The following INO80 variants were observed in gnomAD, a reference collection of about 807,000 sequenced individuals.
INO80 encodes INO80 complex ATPase subunit.
In INO80, 20 loss-of-function variants were observed where a neutral mutation model predicts 203.4. The observed-to-expected ratio is 0.10, with a 90% CI of 0.07 to 0.14. The LOEUF (loss-of-function observed/expected upper bound fraction) is 0.14. INO80 is among the 10% of genes least tolerant of loss of function. INO80 has a pLI of 1.00. For synonymous variants in INO80, 726 were observed against 685.2 expected, an observed-to-expected ratio of 1.06 and a Z score of -0.93; for missense variants, 1,419 against 1,914.4, an observed-to-expected ratio of 0.74 and a Z score of 4.83.
chr15:41,106,661 A>G (rs2045885032), intron 1 of INO80, among the ~76,000 whole-genome samples: 1 of 152,158 alleles, frequency 6.6e-6, no homozygotes, highest in East Asian at 1.9e-4. Flanking sequence ...TCTGGGCACT[A>G]GGTGCACTCC....
At chr15:41,087,431 A>C in intron 6 of INO80, 131 bp downstream of exon 6, 1 of 977,916 alleles carries the variant, frequency 1.0e-6, no homozygotes, top group Non-Finnish European at 1.5e-6. Context: ...ACTAATTAGA[A>C]AGGAGAGTTT....
In INO80 at chr15:40,980,195, G is replaced by C. The variant is rs749091379; in HGVS notation, c.*28C>G. On this transcript the variant is annotated 3_prime_UTR_variant, in exon 36 of 36. Transcript: ENST00000648947. ...AGGTCAGGACTCTAGCCCTGGTTTG[G>C]TTGAAGGAAGTCGGAGGGCCCAGAT... 6 of 1,592,986 alleles carry C rather than the reference G, an allele frequency of 3.8e-6. 1 individual carries two copies. The South Asian group carries it at 6.6e-5, about 18-fold the overall frequency.
chr15:41,083,256 G>A lies in INO80; in HGVS notation c.873+2113C>T, dbSNP rs575871821. 2.9e-3 allele frequency among the ~76,000 whole-genome samples: 393 copies of A among 137,640 alleles called. 2 individuals are homozygous for A. The highest frequency in any genetic ancestry group is 0.014 in the South Asian group (63 of 4,398). The allele number at this position is 137,640 out of a possible 152,430, so 90.3% of individuals were successfully genotyped here. A position where few individuals can be genotyped will look rare whatever the true frequency, so the allele number is the denominator to read the frequency against. On this transcript the variant is annotated intron_variant, in intron 7 of 35. Transcript: ENST00000648947. ...GCCGAGATCGCACTCCAGCCTGGGC[G>A]ACAAAGCCAGACTCCGTCTCAAAAA...
chr15:41,044,171 T>C (rs1001561047), intron 24 of INO80, among the ~76,000 whole-genome samples: 1 of 152,230 alleles, frequency 6.6e-6, no homozygotes, highest in Non-Finnish European at 1.5e-5. Context: ...AGGGTTATAC[T>C]TGACAGTGTA....
intron 24 of INO80, 106 bp downstream of exon 24, chr15:41,044,797 CT>C: frequency 5.5e-6 from 6 of 1,088,220 alleles, no homozygotes; most frequent in South Asian, 1.7e-5. Flanking sequence ...CCTCTGGGAA[CT>C]TTTTGGTTCT....
intron 28 of INO80, among the ~76,000 whole-genome samples, chr15:40,998,350 T>C (rs967689520): frequency 6.6e-6 from 1 of 152,000 alleles, no homozygotes; most frequent in Non-Finnish European, 1.5e-5. Flanking sequence ...ATGAAGAAAG[T>C]TGAGTCCCAG....
At chr15:41,080,004 C>G (rs150182202) in intron 8 of INO80, 100 bp from the exon 9 acceptor site, 41 of 1,018,380 alleles carry the variant, frequency 4.0e-5, no homozygotes, top group Non-Finnish European at 5.3e-5. Flanking sequence ...TTCAGCCAAA[C>G]TGTCATCCTT....
At chr15:41,013,199 C>G (rs2044157506) in intron 27 of INO80, 1 of 152,224 alleles carries the variant, frequency 6.6e-6, no homozygotes, top group African/African-American at 2.4e-5. Flanking sequence ...ATGTGAGTTT[C>G]TAACTCTTAC....
At chr15:41,011,137 G>A (rs1443748698) in intron 27 of INO80, among the ~76,000 whole-genome samples, 1 of 152,132 alleles carries the variant, frequency 6.6e-6, no homozygotes, top group Non-Finnish European at 1.5e-5. Context: ...GACTACTCTT[G>A]TACCTTTCTA....
At chr15:41,054,084 C>T in intron 18 of INO80, 70 bp from the exon 19 acceptor site, 2 of 1,203,256 alleles carry the variant, frequency 1.7e-6, no homozygotes, top group African/African-American at 1.5e-5. Flanking sequence ...ACAAATACCA[C>T]ATTCACCTCT....
At chr15:41,047,571 A>G (rs2044791109) in intron 22 of INO80, 70 bp from the exon 23 acceptor site, 2 of 1,077,220 alleles carry the variant, frequency 1.9e-6, no homozygotes, top group Admixed American at 2.2e-5. Context: ...AGCCTGCTCA[A>G]CTGCTGAGTT....
chr15:41,074,291 T>A, intron 10 of INO80, 79 bp downstream of exon 10: 2 of 1,006,342 alleles, frequency 2.0e-6, no homozygotes, highest in Non-Finnish European at 2.8e-6. Context: ...AATAAAAAAT[T>A]CGCAAAAATT....
At chr15:40,984,632 G>GA (rs5812178) in intron 32 of INO80, among the ~76,000 whole-genome samples, 274 of 132,908 alleles carry the variant, frequency 2.1e-3, no homozygotes, top group Middle Eastern at 3.8e-3. Flanking sequence ...CAGCTCAAAA[G>GA]AAAAAAAAAA....
At chr15:40,992,308 A>G (rs1423056807) in intron 29 of INO80, among the ~76,000 whole-genome samples, 2 of 152,242 alleles carry the variant, frequency 1.3e-5, no homozygotes, top group African/African-American at 2.4e-5. Flanking sequence ...GCAGTTTATA[A>G]CAACCCCTTA....
rs767154199 is a variant in INO80, at chr15:40,984,251, G to A, written c.4023C>T (p.Asp1341=). The A allele has an allele frequency of 6.6e-5, 106 of 1,613,726 alleles. No homozygotes were observed. The highest frequency in any genetic ancestry group is 3.7e-4 in the African/African-American group (28 of 74,924). Residue 1341 remains aspartate (D), a synonymous_variant, in exon 33 of 36, where the codon GAC becomes GAT. Transcript: ENST00000648947. ...CCACGCTAATGAAGGAGTCATCTCC[G>A]TCAGCAGAGAGGTTGGAGTTATCAG... ...PSADNSNLSA[D]GDDSFISVDS... is the part of the protein sequence containing the mutation.
intron 1 of INO80, among the ~76,000 whole-genome samples, chr15:41,113,047 C>A (rs1334651263): frequency 6.6e-6 from 1 of 151,354 alleles, no homozygotes; most frequent in Non-Finnish European, 1.5e-5. Flanking sequence ...TCCCAAGTAG[C>A]TGGGACTACA....
chr15:41,071,733 T>C (rs966711736), intron 12 of INO80, 116 bp downstream of exon 12: 6 of 886,370 alleles, frequency 6.8e-6, no homozygotes, highest in South Asian at 3.2e-5. Context: ...AGTGCTGGAA[T>C]TGCAGGCATG....
rs886093713 is a variant in INO80 at position 40,998,061 on chromosome 15, G to A, written c.3498-460C>T. ...TTTTTAGACGTAGTCTTGTTCTGTC[G>A]CCCAGGCTGGAGTGTAGAGGCGCGA... On this transcript the variant is annotated intron_variant, in intron 28 of 35. Transcript: ENST00000648947. Among the ~76,000 whole-genome samples the A allele has an allele frequency of 1.0e-4, 12 of 116,662 alleles. No individual in the cohort carries two copies. The Admixed American group carries it at 1.3e-3, about 13-fold the overall frequency. The allele number at this position is 116,662 out of a possible 152,430, so 76.5% of individuals were successfully genotyped here. A position where few individuals can be genotyped will look rare whatever the true frequency, so the allele number is the denominator to read the frequency against.
At chr15:41,084,127 A>G (rs551783443) in intron 7 of INO80, among the ~76,000 whole-genome samples, 1 of 152,204 alleles carries the variant, frequency 6.6e-6, no homozygotes, top group South Asian at 2.1e-4. Flanking sequence ...CTTAAGAGTA[A>G]TATGTAAACA....
Sources: allele counts gnomAD v4.1 joint callset (sites outside exome capture counted in the v4.1 genomes callset), GRCh38; gene constraint gnomAD v4.1.1; transcripts MANE v1.5; gene names NCBI Gene and HGNC (gene_info 2026-07-23, HGNC 2026-07-21).